The following ACOT1 variants were observed in gnomAD, a reference collection of about 807,000 sequenced individuals.
The protein encoded by ACOT1 is acyl-coenzyme A thioesterase 1.
A neutral mutation model predicts 15.7 loss-of-function variants in ACOT1; 8 were observed. The ratio of observed to expected loss-of-function variants is 0.51; its 90% CI spans 0.30 to 0.92. ACOT1 has a LOEUF of 0.92. Among genes scored for constraint, ACOT1 ranks in the 40% least tolerant of loss-of-function variants. ACOT1 has a pLI of 0.06. For missense variants in ACOT1, 151 were observed against 539.4 expected (o/e 0.28, Z 7.13); for synonymous variants, 67 against 241.2 (o/e 0.28, Z 6.69).
chr14:73,498,350 G>A, the ACOT1 span: 2 of 1,580,574 alleles, frequency 1.3e-6, no homozygotes, highest in Admixed American at 1.7e-5. Flanking sequence ...CAAAGCTGCA[G>A]AGATTAGAGG....
At chr14:73,516,775 C>T in the ACOT1 span, among the ~76,000 whole-genome samples, 25 of 152,146 alleles carry the variant, frequency 1.6e-4, no homozygotes, top group Non-Finnish European at 3.1e-4. Flanking sequence ...ATTAGAGTCA[C>T]GTAGCATGAA....
At chr14:73,535,469 C>CTTTTTTTTTTTTTTTTTTTTT (rs869167008), upstream of ACOT1, among the ~76,000 whole-genome samples, 1 of 16,538 alleles carries the variant, frequency 6.0e-5, no homozygotes, top group Non-Finnish European at 2.8e-4. Flanking sequence ...TTTCTTCTTT[C>CTTTTTTTTTTTTTTTTTTTTT]TTTTTTTTTT....
At chr14:73,501,113 TTTTA>T in the ACOT1 span, among the ~76,000 whole-genome samples, 1 of 152,286 alleles carries the variant, frequency 6.6e-6, no homozygotes, top group African/African-American at 2.4e-5. Flanking sequence ...TTTAAATTAT[TTTTA>T]TTTATTTTAT....
At chr14:73,509,866 A>ATATATT in the ACOT1 span, among the ~76,000 whole-genome samples, 6 of 67,504 alleles carry the variant, frequency 8.9e-5, no homozygotes, top group Admixed American at 1.5e-4. Context: ...ATATATATAT[A>ATATATT]TATTTATTTA....
the ACOT1 span, chr14:73,491,322 C>T: frequency 5.8e-3 from 8,740 of 1,502,856 alleles, 465 homozygotes; most frequent in African/African-American, 0.11. Context: ...CACCTGGGGC[C>T]CGCAGAGCTG....
chr14:73,533,445 G>T (rs35719974), upstream of ACOT1, among the ~76,000 whole-genome samples: 1 of 113,972 alleles, frequency 8.8e-6, no homozygotes, highest in African/African-American at 2.8e-5. Flanking sequence ...TTGGGAGGCC[G>T]AGGAGGGTAG....
At chr14:73,495,263 A>G in the ACOT1 span, 3 of 1,614,042 alleles carry the variant, frequency 1.9e-6, no homozygotes, top group South Asian at 1.1e-5. Flanking sequence ...CTGGAGTGTT[A>G]GTGGTCCTTG....
chr14:73,515,671 CAAAAAA>C, the ACOT1 span, among the ~76,000 whole-genome samples: 13 of 33,516 alleles, frequency 3.9e-4, no homozygotes, highest in Non-Finnish European at 6.0e-4. Flanking sequence ...GACTCCATCT[CAAAAAA>C]AAAAAAAAAA....
upstream of ACOT1, among the ~76,000 whole-genome samples, chr14:73,535,660 T>C (rs1386281904): frequency 9.0e-6 from 1 of 111,302 alleles, no homozygotes; most frequent in Admixed American, 1.0e-4. Flanking sequence ...GGTTTTTTTT[T>C]AGTAGAGACG....
the ACOT1 span, chr14:73,514,353 CAA>C: frequency 1.2e-6 from 1 of 826,814 alleles, no homozygotes. Flanking sequence ...ACAAAACCCT[CAA>C]GAGTGAATTT....
chr14:73,497,893 TG>T, the ACOT1 span, among the ~76,000 whole-genome samples: 1 of 152,238 alleles, frequency 6.6e-6, no homozygotes, highest in Non-Finnish European at 1.5e-5. Flanking sequence ...CCCAAAGTGC[TG>T]GGATTACAGG....
the ACOT1 span, among the ~76,000 whole-genome samples, chr14:73,523,575 G>A: frequency 6.6e-6 from 1 of 152,150 alleles, no homozygotes; most frequent in African/African-American, 2.4e-5. Context: ...GGCATTCAGG[G>A]TTCTCCATGA....
At chr14:73,499,983 A>T in the ACOT1 span, among the ~76,000 whole-genome samples, 1 of 152,212 alleles carries the variant, frequency 6.6e-6, no homozygotes, top group Non-Finnish European at 1.5e-5. Flanking sequence ...TAATCCCAGC[A>T]CTTTGGGAGG....
At chr14:73,494,855 C>T in the ACOT1 span, among the ~76,000 whole-genome samples, 3 of 151,926 alleles carry the variant, frequency 2.0e-5, no homozygotes, top group Non-Finnish European at 4.4e-5. Context: ...GCCACCACGC[C>T]CAACCACCAA....
chr14:73,508,093 T>A, the ACOT1 span: 2 of 1,590,758 alleles, frequency 1.3e-6, no homozygotes, highest in African/African-American at 1.3e-5. Flanking sequence ...AAGACCTAAT[T>A]GCTCCCCAAA....
chr14:73,506,808 T>G, the ACOT1 span, among the ~76,000 whole-genome samples: 1 of 111,380 alleles, frequency 9.0e-6, no homozygotes, highest in African/African-American at 4.7e-5. Flanking sequence ...TTAACTGTTT[T>G]TTTTTTTTTT....
the ACOT1 span, chr14:73,493,262 A>G: frequency 1.5e-6 from 1 of 667,548 alleles, no homozygotes; most frequent in Non-Finnish European, 2.6e-6. Context: ...CTTGAGACAG[A>G]TATTAGATTT....
the ACOT1 span, chr14:73,498,308 G>A: frequency 2.0e-5 from 33 of 1,610,758 alleles, no homozygotes; most frequent in Middle Eastern, 1.7e-4. Flanking sequence ...CAGAAGATCC[G>A]TCAGCTCGGG....
At chr14:73,522,405 G>A in the ACOT1 span, 1 of 1,614,266 alleles carries the variant, frequency 6.2e-7, no homozygotes, top group Non-Finnish European at 8.5e-7. Context: ...GCAGAGGTAA[G>A]CTCATCCCGA....
Sources: allele counts gnomAD v4.1 joint callset (sites outside exome capture counted in the v4.1 genomes callset), GRCh38; gene constraint gnomAD v4.1.1; transcripts MANE v1.5; gene names NCBI Gene and HGNC (gene_info 2026-07-23, HGNC 2026-07-21).